PIGQ: variants seen among roughly 807,000 people sequenced by gnomAD.
PIGQ encodes phosphatidylinositol glycan anchor biosynthesis class Q.
PIGQ carries 54 observed loss-of-function variants against 60.3 expected under a neutral mutation model. The ratio of observed to expected loss-of-function variants is 0.90; its 90% CI spans 0.72 to 1.12. The LOEUF (loss-of-function observed/expected upper bound fraction) is 1.12, where lower values mean the gene tolerates loss of function less well. Ranked by LOEUF, PIGQ falls within the 50% of genes most tolerant of loss-of-function variation. PIGQ has a pLI of 0.00. For synonymous variants in PIGQ, 416 were observed against 363.7 expected (o/e 1.14, Z -1.64); for missense variants, 799 against 793.5 (o/e 1.01, Z -0.08).
At chr16:579,997 C>G (rs1347388055) in intron 7 of PIGQ, 186 bp from the exon 8 acceptor site, 1 of 497,490 alleles carries the variant, frequency 2.0e-6, no homozygotes, top group Non-Finnish European at 3.6e-6. Context: ...TGCGAGTCCC[C>G]TAGTCCGTGG....
intron 2 of PIGQ, 112 bp downstream of exon 2, chr16:574,875 C>G: frequency 1.2e-6 from 1 of 832,950 alleles, no homozygotes; most frequent in South Asian, 1.8e-5. Flanking sequence ...TGGGCCCGGG[C>G]CCCCTCCCAC....
At chr16:581,296 C>A (rs906775353) in intron 9 of PIGQ, 3 of 1,310,182 alleles carry the variant, frequency 2.3e-6, no homozygotes, top group Non-Finnish European at 2.0e-6. Flanking sequence ...GGGCCAAGCG[C>A]GGCAAAGTCA....
At position 574,419 on chromosome 16, in the gene PIGQ, C is replaced by T; in HGVS notation, c.345C>T (p.Pro115=). ...GCGAGGCCACCCACCGGCAAGCGCC[C>T]ACTGCCCCCGGTGCCCCTGGTGAGG... is the stretch of plus-strand genomic sequence containing the variant. The part of the protein sequence containing the change: ...WSCEATHRQA[P]TAPGAPGEDQ... Residue 115 remains proline, a synonymous_variant, in exon 2 of 11, where the codon CCC becomes CCT. Transcript: ENST00000321878. 6.2e-7 allele frequency: 1 copy of T among 1,610,854 alleles called. No individual in the cohort carries two copies. Among genetic ancestry groups the T allele is most frequent in the Non-Finnish European group, 8.5e-7 (1 of 1,179,266 alleles).
intron 8 of PIGQ, chr16:580,520 G>A (rs1187834237): frequency 9.1e-6 from 5 of 549,644 alleles, no homozygotes; most frequent in Admixed American, 3.1e-5. Flanking sequence ...GTGGGGTCAC[G>A]CAAGAGGCCT....
At position 583,964 on chromosome 16, in the gene PIGQ, T is replaced by G. The variant is rs2035859921; in HGVS notation, c.*929T>G. ...CCGCTTCAGGAGGGGAGCCTGCAGG[T>G]GCCGGCTGGTGAGGGGATGACGCGC... On this transcript the variant is annotated 3_prime_UTR_variant, in exon 11 of 11. Coordinates refer to ENST00000321878, the MANE Select transcript of PIGQ (RefSeq NM_004204.5). The G allele has an allele frequency of 1.7e-5, 7 of 412,246 alleles. No homozygotes were observed. The East Asian group carries it at 3.2e-4, about 19-fold the overall frequency. The allele number at this position is 412,246 out of a possible 1,614,324, so 25.5% of individuals were successfully genotyped here.
intron 9 of PIGQ, chr16:581,308 A>G: frequency 7.8e-7 from 1 of 1,282,040 alleles, no homozygotes; most frequent in Non-Finnish European, 1.0e-6. Context: ...GCAAAGTCAG[A>G]GGCACTAGGA....
chr16:576,078 C>G (rs539479546), intron 3 of PIGQ, 56 bp from the exon 4 acceptor site: 1 of 1,542,934 alleles, frequency 6.5e-7, no homozygotes, highest in South Asian at 1.2e-5. Context: ...CCTCCTCCTG[C>G]GGCCCCAGGC....
At chr16:572,626 G>T (rs567227778) in intron 1 of PIGQ, 1 of 455,898 alleles carries the variant, frequency 2.2e-6, no homozygotes, top group Non-Finnish European at 4.4e-6. Context: ...CCCTAAGGGC[G>T]TGGTGGGCTC....
chr16:582,764 G>A, intron 10 of PIGQ, 119 bp from the exon 11 acceptor site: 1 of 1,128,252 alleles, frequency 8.9e-7, no homozygotes, highest in African/African-American at 1.5e-5. Flanking sequence ...TTCTCCCACA[G>A]GCAAGGGAAT....
intron 2 of PIGQ, among the ~76,000 whole-genome samples, chr16:575,359 G>A (rs2035700026): frequency 6.6e-6 from 1 of 152,216 alleles, no homozygotes; most frequent in African/African-American, 2.4e-5. Flanking sequence ...CCCTTCCACA[G>A]GGGACCTCAT....
At chr16:575,311 C>T (rs1009259390) in intron 2 of PIGQ, among the ~76,000 whole-genome samples, 13 of 152,302 alleles carry the variant, frequency 8.5e-5, no homozygotes, top group African/African-American at 1.9e-4. Context: ...CTGAGGGGCA[C>T]GGGGGTAGCC....
At chr16:580,782 G>A (rs1231364780) in intron 8 of PIGQ, 76 bp from the exon 9 acceptor site, 1 of 768,720 alleles carries the variant, frequency 1.3e-6, no homozygotes, top group Non-Finnish European at 2.4e-6. Context: ...CCTTCATCGT[G>A]GCCCAGGATG....
In PIGQ at chr16:582,289, C is replaced by A. The variant is rs751557689; in HGVS notation, c.1573C>A (p.Pro525Thr). The stretch of plus-strand genomic sequence containing the variant: ...TGTCCTCCGGCACGAGGCCGGCAGG[C>A]CCCTCCGCCTCCTGATGCAGGTGAG... ...FRVLRHEAGR[P>T]LRLLMQINPL... The change falls in exon 10 of 11, where the codon CCC becomes ACC. Residue 525 changes from proline (P) to threonine (T), a missense_variant. Coordinates refer to ENST00000321878, the MANE Select transcript of PIGQ (RefSeq NM_004204.5). 1 of 1,602,634 alleles carries A rather than the reference C, an allele frequency of 6.2e-7. No homozygotes were observed. Among genetic ancestry groups the A allele is most frequent in the Non-Finnish European group, 8.5e-7 (1 of 1,173,546 alleles).
intron 6 of PIGQ, 45 bp from the exon 7 acceptor site, chr16:579,024 G>A (rs1381291417): frequency 1.3e-6 from 2 of 1,524,134 alleles, no homozygotes; most frequent in South Asian, 1.2e-5. Context: ...GCGGGGGCGG[G>A]GCGGGGCGGG....
rs376046019 is a variant in PIGQ, at chr16:574,613, G to A, written c.539G>A (p.Arg180His). The part of the protein sequence containing the change: ...ARSEVLFRSD[R>H]FDEGPVRLSH... ...AGTGAGGTGCTCTTCCGCAGTGACC[G>A]CTTTGATGAGGGCCCCGTGCGGCTG... The change falls in exon 2 of 11, where the codon CGC (arginine) becomes CAC (histidine). Residue 180 changes from arginine (R) to histidine (H), a missense_variant. By Grantham distance (29) the Arg-to-His change is conservative. Transcript: ENST00000321878. 1.5e-5 allele frequency: 24 copies of A among 1,606,070 alleles called. No homozygotes were observed. The highest frequency in any genetic ancestry group is 1.1e-4 in the African/African-American group (8 of 74,824).
At chr16:580,118 C>T (rs1228500562) in intron 7 of PIGQ, 65 bp from the exon 8 acceptor site, 12 of 1,257,030 alleles carry the variant, frequency 9.5e-6, no homozygotes, top group African/African-American at 1.5e-5. Flanking sequence ...GGGGAGGGCA[C>T]AGTGCTGGGC....
At chr16:574,018 G>T (rs547654143) in intron 1 of PIGQ, 48 bp from the exon 2 acceptor site, 20 of 1,336,670 alleles carry the variant, frequency 1.5e-5, no homozygotes, top group Middle Eastern at 4.0e-4. Flanking sequence ...AGCCCACGGT[G>T]GGGGGGCAGC....
chr16:583,372 T>C lies in PIGQ; in HGVS notation c.*337T>C, dbSNP rs2035844646. ...ACCCTGTGTACCCAGGTCCAGAGGG[T>C]CCGTCCACCACAGCAGCCCCAGGTG... On this transcript the variant is annotated 3_prime_UTR_variant, in exon 11 of 11. Coordinates refer to ENST00000321878, the MANE Select transcript of PIGQ (RefSeq NM_004204.5). 1.2e-6 allele frequency: 2 copies of C among 1,612,392 alleles called. No homozygotes were observed. The highest frequency in any genetic ancestry group is 1.7e-6 in the Non-Finnish European group (2 of 1,179,718).
chr16:581,760 CT>C (rs59948933), intron 9 of PIGQ: 83 of 83,004 alleles, frequency 1.0e-3, no homozygotes, highest in South Asian at 3.0e-3. Flanking sequence ...CCGTGCCCGG[CT>C]TTTTTTTTTT....
Sources: allele counts gnomAD v4.1 joint callset (sites outside exome capture counted in the v4.1 genomes callset), GRCh38; gene constraint gnomAD v4.1.1; transcripts MANE v1.5; gene names NCBI Gene and HGNC (gene_info 2026-07-23, HGNC 2026-07-21).